Variants in LATS2 observed in about 807,000 individuals in gnomAD.
LATS2 encodes large tumor suppressor kinase 2, also known as serine/threonine-protein kinase LATS2.
A neutral mutation model predicts 76.0 loss-of-function variants in LATS2; 24 were observed. The observed-to-expected ratio is 0.32, with a 90% confidence interval of 0.23 to 0.44. The LOEUF (loss-of-function observed/expected upper bound fraction) is 0.44, where lower values mean the gene tolerates loss of function less well. Ranked by LOEUF, LATS2 falls within the 20% of genes least tolerant of loss-of-function variation. The pLI, the probability that LATS2 is intolerant of heterozygous loss-of-function variation, is 1.00. For synonymous variants in LATS2, 692 were observed against 635.4 expected, an observed-to-expected ratio of 1.09 and a Z score of -1.34; for missense variants, 1,286 against 1,481.2, an observed-to-expected ratio of 0.87 and a Z score of 2.16.
chr13:20,982,259 T>C (rs957384615), intron 5 of LATS2, among the ~76,000 whole-genome samples: 1 of 152,242 alleles, frequency 6.6e-6, no homozygotes, highest in Non-Finnish European at 1.5e-5. Flanking sequence ...ATACACTACA[T>C]AGATGCAGGT....
chr13:20,984,337 G>A (rs946407224), intron 4 of LATS2, among the ~76,000 whole-genome samples: 1 of 152,108 alleles, frequency 6.6e-6, no homozygotes, highest in African/African-American at 2.4e-5. Context: ...TAAAAACTAA[G>A]GGAAACTTCT....
intron 2 of LATS2, among the ~76,000 whole-genome samples, chr13:20,993,876 T>C (rs578172465): frequency 1.1e-4 from 17 of 152,234 alleles, no homozygotes; most frequent in African/African-American, 3.9e-4. Context: ...TTGGCGCCCA[T>C]TAAAAAAATG....
intron 1 of LATS2, among the ~76,000 whole-genome samples, chr13:21,054,367 C>T (rs1873378917): frequency 1.3e-5 from 2 of 152,098 alleles, no homozygotes; most frequent in Admixed American, 6.5e-5. Context: ...GAGGTCATTC[C>T]ACTGCACTCC....
chr13:21,026,683 C>T (rs2138371949), intron 2 of LATS2, among the ~76,000 whole-genome samples: 1 of 152,274 alleles, frequency 6.6e-6, no homozygotes, highest in East Asian at 1.9e-4. Context: ...TGCCCTGGCA[C>T]CATAGCTCAT....
chr13:21,005,806 TAAAA>T (rs879760856), intron 2 of LATS2: 5 of 28,496 alleles, frequency 1.8e-4, no homozygotes, highest in Non-Finnish European at 4.4e-4. Context: ...CCCTACTCTA[TAAAA>T]AAAAAAAAAA....
intron 2 of LATS2, among the ~76,000 whole-genome samples, chr13:21,006,187 C>G (rs1871261683): frequency 6.6e-6 from 1 of 150,892 alleles, no homozygotes; most frequent in African/African-American, 2.5e-5. Context: ...CACTTTCTGC[C>G]TCAGCTTATC....
At chr13:21,002,754 G>A (rs1019620369) in intron 2 of LATS2, among the ~76,000 whole-genome samples, 2 of 152,082 alleles carry the variant, frequency 1.3e-5, no homozygotes, top group Non-Finnish European at 2.9e-5. Flanking sequence ...GTACAGTGGT[G>A]CAATCAAAGC....
intron 2 of LATS2, among the ~76,000 whole-genome samples, chr13:21,044,689 GGTGTGTGTGTGTGTGTGTGT>G (rs71090554): frequency 0.017 from 2,374 of 137,780 alleles, 30 homozygotes; most frequent in Non-Finnish European, 0.025. Context: ...GAGGTGTAGG[GGTGTGTGTGTGTGTGTGTGT>G]GTGTGTGTGT....
At chr13:21,059,074 A>C (rs1873540092) in intron 1 of LATS2, among the ~76,000 whole-genome samples, 1 of 152,216 alleles carries the variant, frequency 6.6e-6, no homozygotes, top group African/African-American at 2.4e-5. Context: ...TTAAAATTTT[A>C]AGCAAAACAC....
intron 2 of LATS2, among the ~76,000 whole-genome samples, chr13:21,013,228 C>A (rs1871668781): frequency 6.6e-6 from 1 of 152,180 alleles, no homozygotes; most frequent in Admixed American, 6.5e-5. Context: ...ATGAAGCAGG[C>A]TGCCTCCCAG....
At chr13:21,004,916 T>C (rs1288110757) in intron 2 of LATS2, among the ~76,000 whole-genome samples, 4 of 152,172 alleles carry the variant, frequency 2.6e-5, no homozygotes, top group Non-Finnish European at 5.9e-5. Context: ...AGTCATCATG[T>C]GCCAGGCCAT....
At chr13:20,996,916 T>C (rs969295319) in intron 2 of LATS2, among the ~76,000 whole-genome samples, 3 of 152,196 alleles carry the variant, frequency 2.0e-5, no homozygotes, top group African/African-American at 7.2e-5. Flanking sequence ...AGATTGGCTG[T>C]AGAATAGAAG....
chr13:21,032,092 C>T (rs867233953), intron 2 of LATS2, among the ~76,000 whole-genome samples: 14 of 152,140 alleles, frequency 9.2e-5, no homozygotes, highest in South Asian at 2.1e-4. Context: ...TTTCACTTTC[C>T]GTTTTCTTAC....
At chr13:21,029,940 A>G (rs184889128) in intron 2 of LATS2, among the ~76,000 whole-genome samples, 2 of 152,144 alleles carry the variant, frequency 1.3e-5, no homozygotes, top group African/African-American at 4.8e-5. Flanking sequence ...CCTGGCCAAC[A>G]TGGTGAAACC....
At chr13:21,046,816 A>G (rs778699538) in intron 1 of LATS2, among the ~76,000 whole-genome samples, 1 of 152,228 alleles carries the variant, frequency 6.6e-6, no homozygotes, top group Non-Finnish European at 1.5e-5. Flanking sequence ...TGCAGTTTCC[A>G]CACACACATT....
intron 2 of LATS2, among the ~76,000 whole-genome samples, chr13:21,028,340 T>C (rs952046736): frequency 1.4e-4 from 22 of 152,284 alleles, no homozygotes; most frequent in South Asian, 4.1e-4. Context: ...TGTTGGACAT[T>C]TGGGTTGGTT....
intron 2 of LATS2, among the ~76,000 whole-genome samples, chr13:21,016,404 C>T (rs546267348): frequency 3.3e-4 from 51 of 152,250 alleles, no homozygotes; most frequent in Non-Finnish European, 6.0e-4. Flanking sequence ...CTGCCTCAGC[C>T]TCCTGAGTAA....
At chr13:21,021,739 C>T (rs9552328) in intron 2 of LATS2, among the ~76,000 whole-genome samples, 4 of 152,192 alleles carry the variant, frequency 2.6e-5, no homozygotes, top group Admixed American at 2.0e-4. Context: ...CAGAGAACAG[C>T]GAGGCTAAGA....
intron 2 of LATS2, among the ~76,000 whole-genome samples, chr13:21,009,041 T>C (rs1020240106): frequency 6.6e-6 from 1 of 152,252 alleles, no homozygotes; most frequent in Non-Finnish European, 1.5e-5. Flanking sequence ...TTCGTCCCAC[T>C]GCCCATGCTC....
Sources: allele counts gnomAD v4.1 joint callset (sites outside exome capture counted in the v4.1 genomes callset), GRCh38; gene constraint gnomAD v4.1.1; transcripts MANE v1.5; gene names NCBI Gene and HGNC (gene_info 2026-07-23, HGNC 2026-07-21).